The following CEP68 variants were observed in gnomAD, a reference collection of about 807,000 sequenced individuals.
The protein encoded by CEP68 is centrosomal protein 68, also known as centrosomal protein of 68 kDa.
A neutral mutation model predicts 55.3 loss-of-function variants in CEP68; 26 were observed. That is an observed-to-expected ratio of 0.47 (90% CI 0.34 to 0.65). The LOEUF (loss-of-function observed/expected upper bound fraction) is 0.65, where lower values mean the gene tolerates loss of function less well. CEP68 is among the 30% of genes least tolerant of loss of function. The probability of loss-of-function intolerance (pLI) is 0.01; values close to 1 mark genes in which losing one functional copy is unlikely to be tolerated. For missense variants in CEP68, 957 were observed against 946.7 expected, an observed-to-expected ratio of 1.01 and a Z score of -0.14; for synonymous variants, 402 against 383.2, an observed-to-expected ratio of 1.05 and a Z score of -0.57.
rs765028347 is a variant in CEP68, at chr2:65,071,434, T to C, written c.358-20T>C. ...GTTTGATTTTTACCCAAGTGCTTTTTGTCCCTTTGATCATTGCAGGTGGAG... is the reference window on the plus strand; with the variant it reads ...GTTTGATTTTTACCCAAGTGCTTTTCGTCCCTTTGATCATTGCAGGTGGAG... On this transcript the variant is annotated intron_variant, in intron 2 of 6. Transcript: ENST00000377990. The C allele has an allele frequency of 8.8e-6, 14 of 1,599,568 alleles. No individual in the cohort carries two copies. Among genetic ancestry groups the C allele is most frequent in the East Asian group, 2.2e-5 (1 of 44,716 alleles).
intron 1 of CEP68, among the ~76,000 whole-genome samples, chr2:65,065,770 A>G (rs1017541896): frequency 2.0e-5 from 3 of 152,010 alleles, no homozygotes; most frequent in African/African-American, 7.2e-5. Flanking sequence ...GGAGTTCCAG[A>G]TCAGCCTGGC....
intron 5 of CEP68, among the ~76,000 whole-genome samples, chr2:65,079,535 G>A (rs1339410322): frequency 2.6e-5 from 4 of 152,174 alleles, no homozygotes; most frequent in Non-Finnish European, 5.9e-5. Flanking sequence ...GCCCTTTTAA[G>A]GCCTTTGTTT....
At chr2:65,081,580 GA>G (rs1202117976) in intron 5 of CEP68, among the ~76,000 whole-genome samples, 1 of 152,168 alleles carries the variant, frequency 6.6e-6, no homozygotes, top group Non-Finnish European at 1.5e-5. Flanking sequence ...AAAAAAGAAA[GA>G]AAAAAGCCTG....
chr2:65,071,891 A>T lies in CEP68; in HGVS notation c.795A>T (p.Arg265Ser). ...GTGATGCTTCTGGGCTAGGCAGGAG[A>T]CGCCTCTCCTTCCAGGCTGAGTACT... The part of the protein sequence containing the change: ...SGGDASGLGR[R>S]RLSFQAEYWA... Residue 265 changes from arginine (R) to serine (S), a missense_variant, in exon 3 of 7, where the codon AGA becomes AGT. Coordinates refer to ENST00000377990, the MANE Select transcript of CEP68 (RefSeq NM_015147.3). 1 of 1,611,764 alleles carries T rather than the reference A, an allele frequency of 6.2e-7. No homozygotes were observed. Among genetic ancestry groups the T allele is most frequent in the Non-Finnish European group, 8.5e-7 (1 of 1,179,180 alleles).
intron 5 of CEP68, among the ~76,000 whole-genome samples, chr2:65,081,868 T>A (rs1668839326): frequency 6.6e-6 from 1 of 152,224 alleles, no homozygotes. Context: ...CTAATTTTTT[T>A]ATATTTTTAG....
rs766499382 is a variant in CEP68, at chr2:65,064,733, CAAAAAAA to C, written c.-46-4655_-46-4649del. Among the ~76,000 whole-genome samples, 271 of 94,710 alleles carry C rather than the reference CAAAAAAA, an allele frequency of 2.9e-3. 2 individuals are homozygous for C. The highest frequency in any genetic ancestry group is 5.3e-3 in the Admixed American group (45 of 8,454). The allele number at this position is 94,710 out of a possible 152,430, so 62.1% of individuals were successfully genotyped here. ...TTGGCGAAAAAGCGAGACTCCGTCT[CAAAAAAA>C]AAAAAAAAAAGAAATGGAGCAAGAA... is the stretch of plus-strand genomic sequence containing the variant. On this transcript the variant is annotated intron_variant, in intron 1 of 6. Coordinates refer to ENST00000377990, the MANE Select transcript of CEP68 (RefSeq NM_015147.3).
At chr2:65,066,745 A>AAAATATAT (rs70943620) in intron 1 of CEP68, among the ~76,000 whole-genome samples, 21 of 58,408 alleles carry the variant, frequency 3.6e-4, no homozygotes, top group Non-Finnish European at 4.3e-4. Context: ...AAAAAAAAAA[A>AAAATATAT]ATATATATAT....
Position 65,083,763 on chromosome 2 carries a change from G to A in CEP68, c.*129G>A, listed in dbSNP as rs1668939229. The stretch of plus-strand genomic sequence containing the variant: ...CAAGGGGGAAACCTTCAATATACTA[G>A]CTTTAAAATGCCTTTCTCCTCCCTG... On this transcript the variant is annotated 3_prime_UTR_variant, in exon 7 of 7. Transcript: ENST00000377990. The A allele has an allele frequency of 1.3e-5, 2 of 152,202 alleles. No homozygotes were observed. The highest frequency in any genetic ancestry group is 4.8e-5 in the African/African-American group (2 of 41,444). 9.4% of individuals were successfully genotyped at this position (152,202 alleles called of 1,614,324 possible). A position where few individuals can be genotyped will look rare whatever the true frequency, so the allele number is the denominator to read the frequency against.
rs758515664 is a variant in CEP68 at position 65,074,494 on chromosome 2, C to T, written c.2007+90C>T. 3 of 1,573,308 alleles carry T rather than the reference C, an allele frequency of 1.9e-6. No individual in the cohort carries two copies. In the East Asian group the frequency reaches 6.7e-5, roughly 35 times the overall value. On this transcript the variant is annotated intron_variant, in intron 4 of 6. Coordinates refer to ENST00000377990, the MANE Select transcript of CEP68 (RefSeq NM_015147.3). ...AAGTAAAATCTCAAATAACCAATGT[C>T]TGGTATGTTATAGCTCAGTTGACTA...
intron 2 of CEP68, 85 bp downstream of exon 2, chr2:65,069,886 T>C (rs1558560127): frequency 2.5e-6 from 3 of 1,186,810 alleles, no homozygotes; most frequent in African/African-American, 3.0e-5. Context: ...TTGCATCCTT[T>C]CCTTGCTACT....
Position 65,086,574 on chromosome 2 carries a change from G to T in CEP68, c.*2940G>T, listed in dbSNP as rs956210431. ...TATGCTCATCTTAAGTTCATGTAATGTTTCCGCTAACTCACCAAGAATAAG... is the reference window on the plus strand; with the variant it reads ...TATGCTCATCTTAAGTTCATGTAATTTTTCCGCTAACTCACCAAGAATAAG... On this transcript the variant is annotated 3_prime_UTR_variant, in exon 7 of 7. Coordinates refer to ENST00000377990, the MANE Select transcript of CEP68 (RefSeq NM_015147.3). 6.6e-6 allele frequency: 1 copy of T among 152,158 alleles called. No homozygotes were observed. Among genetic ancestry groups the T allele is most frequent in the Admixed American group, 6.6e-5 (1 of 15,262 alleles). The allele number at this position is 152,158 out of a possible 1,614,324, so 9.4% of individuals were successfully genotyped here.
intron 4 of CEP68, 96 bp from the exon 5 acceptor site, chr2:65,077,772 G>A: frequency 1.2e-6 from 1 of 824,370 alleles, no homozygotes; most frequent in Non-Finnish European, 1.9e-6. Flanking sequence ...ACATTAGAGG[G>A]GAATAAGGCT....
chr2:65,072,623 C>T lies in CEP68; in HGVS notation c.1527C>T (p.Pro509=). The T allele has an allele frequency of 6.2e-7, 1 of 1,614,110 alleles. No individual in the cohort carries two copies. The highest frequency in any genetic ancestry group is 8.5e-7 in the Non-Finnish European group (1 of 1,180,006). The change falls in exon 3 of 7, where the codon CCC becomes CCT. Residue 509 remains proline, a synonymous_variant. Coordinates refer to ENST00000377990, the MANE Select transcript of CEP68 (RefSeq NM_015147.3). ...LGSISTLVTL[P]TGDIKGQSPL... ...CCATTTCTACCTTGGTTACCCTGCC[C>T]ACTGGGGATATCAAAGGGCAGAGCC...
At chr2:65,079,425 C>G (rs1368776686) in intron 5 of CEP68, among the ~76,000 whole-genome samples, 1 of 152,198 alleles carries the variant, frequency 6.6e-6, no homozygotes, top group African/African-American at 2.4e-5. Context: ...GAAGAAAAAT[C>G]TCTAGGGTTG....
At position 65,085,890 on chromosome 2, in the gene CEP68, A is replaced by C. The variant is rs2103812320; in HGVS notation, c.*2256A>C. The C allele has an allele frequency of 6.6e-6, 1 of 152,334 alleles. No individual in the cohort carries two copies. Among genetic ancestry groups the C allele is most frequent in the East Asian group, 1.9e-4 (1 of 5,188 alleles). The allele number at this position is 152,334 out of a possible 1,614,324, so 9.4% of individuals were successfully genotyped here. ...GCATTTCTATGAGCAAACATGGCCA[A>C]ATTAGAGTCAAGTAGCTGAGCTTGC... On this transcript the variant is annotated 3_prime_UTR_variant, in exon 7 of 7. Coordinates refer to ENST00000377990, the MANE Select transcript of CEP68 (RefSeq NM_015147.3).
chr2:65,074,503 T>C (rs1676666328), intron 4 of CEP68, 99 bp downstream of exon 4: 1 of 1,539,986 alleles, frequency 6.5e-7, no homozygotes, highest in African/African-American at 1.4e-5. Context: ...TCTGGTATGT[T>C]ATAGCTCAGT....
chr2:65,072,921 G>A lies in CEP68; in HGVS notation c.1825G>A (p.Gly609Arg). 6.2e-7 allele frequency: 1 copy of A among 1,614,092 alleles called. No homozygotes were observed. Among genetic ancestry groups the A allele is most frequent in the Non-Finnish European group, 8.5e-7 (1 of 1,180,042 alleles). Residue 609 changes from glycine to arginine, a missense_variant, in exon 3 of 7, where the codon GGG (glycine) becomes AGG (arginine). Physicochemically the swap from Gly to Arg is moderately radical, Grantham distance 125. Transcript: ENST00000377990. ...RWPFSDPDVE[G>R]QLPRKGGEQG... ...GCCATTCTCAGACCCAGATGTTGAA[G>A]GGCAGCTTCCCAGGAAAGGAGGAGA... is the stretch of plus-strand genomic sequence containing the variant.
intron 1 of CEP68, among the ~76,000 whole-genome samples, chr2:65,063,473 G>A (rs934992575): frequency 2.6e-5 from 4 of 152,222 alleles, no homozygotes; most frequent in East Asian, 1.9e-4. Context: ...ATCCGAGAAC[G>A]GGAGGCCCCA....
chr2:65,062,329 T>C (rs1367528378), intron 1 of CEP68, among the ~76,000 whole-genome samples: 1 of 151,778 alleles, frequency 6.6e-6, no homozygotes, highest in Non-Finnish European at 1.5e-5. Flanking sequence ...AGGCCGGGAG[T>C]TCGAGAGCAG....
Sources: allele counts gnomAD v4.1 joint callset (sites outside exome capture counted in the v4.1 genomes callset), GRCh38; gene constraint gnomAD v4.1.1; transcripts MANE v1.5; gene names NCBI Gene and HGNC (gene_info 2026-07-23, HGNC 2026-07-21).